MYO10: variants seen among roughly 807,000 people sequenced by gnomAD.
The protein encoded by MYO10 is myosin X, also known as unconventional myosin-X.
A neutral mutation model predicts 257.3 loss-of-function variants in MYO10; 133 were observed. That is an observed-to-expected ratio of 0.52 (90% CI 0.45 to 0.60). The LOEUF (loss-of-function observed/expected upper bound fraction) is 0.60. Among genes scored for constraint, MYO10 ranks in the 20% least tolerant of loss-of-function variants. The probability of loss-of-function intolerance (pLI) is 0.00; values close to 1 mark genes in which losing one functional copy is unlikely to be tolerated. For missense variants in MYO10, 2,399 were observed against 2,635.7 expected (o/e 0.91, Z 1.97); for synonymous variants, 1,104 against 1,028.6 (o/e 1.07, Z -1.40).
chr5:16,783,392 A>G lies in MYO10; in HGVS notation c.545T>C (p.Leu182Ser), dbSNP rs1314249022. The change falls in exon 5 of 41, where the codon TTG (leucine) becomes TCG (serine). Residue 182 changes from leucine (L) to serine (S), a missense_variant. Physicochemically the swap from Leu to Ser is moderately radical, Grantham distance 145. Coordinates refer to ENST00000513610, the MANE Select transcript of MYO10 (RefSeq NM_012334.3). ...KFLSVISQQSLELSLKEKTSC... is the reference protein window; with the variant it reads ...KFLSVISQQSSELSLKEKTSC... ...TGTCTTCTCCTTTAAGGACAATTCC[A>G]AAGACTGTTGACTGATGACTGACAG... 3.7e-6 allele frequency: 6 copies of G among 1,606,990 alleles called. No individual in the cohort carries two copies. The Admixed American group carries it at 6.8e-5, about 18-fold the overall frequency.
intron 1 of MYO10, among the ~76,000 whole-genome samples, chr5:16,901,369 T>TC (rs1476944844): frequency 6.6e-6 from 1 of 151,966 alleles, no homozygotes; most frequent in Admixed American, 6.6e-5. Context: ...GGTTCTACTC[T>TC]CCATCCCAGC....
chr5:16,672,753 C>T lies in MYO10; in HGVS notation c.5245G>A (p.Gly1749Ser), dbSNP rs753227123. 2.1e-5 allele frequency: 34 copies of T among 1,613,836 alleles called. No homozygotes were observed. Among genetic ancestry groups the T allele is most frequent in the Middle Eastern group, 1.6e-4 (1 of 6,084 alleles). ...RNMFALFEYN[G>S]HVDKAIESRT... ...CTTTCAATGGCTTTGTCGACGTGGC[C>T]GTTGTATTCAAACAAAGCAAACATG... The change falls in exon 37 of 41, where the codon GGC (glycine) becomes AGC (serine). Residue 1749 changes from glycine to serine, a missense_variant. Transcript: ENST00000513610.
Position 16,829,551 on chromosome 5 carries a change from T to C in MYO10, c.121-11384A>G, listed in dbSNP as rs550604160. ...GCACCCCCAAAAGTATCAGGGATGGTGCACACAACATCATAAAGCTGCTGG... is the reference window on the plus strand; with the variant it reads ...GCACCCCCAAAAGTATCAGGGATGGCGCACACAACATCATAAAGCTGCTGG... On this transcript the variant is annotated intron_variant, in intron 2 of 40. Transcript: ENST00000513610. 7.2e-5 allele frequency among the ~76,000 whole-genome samples: 11 copies of C among 152,294 alleles called. No individual in the cohort carries two copies. In the South Asian group the frequency reaches 2.3e-3, roughly 32 times the overall value.
intron 36 of MYO10, among the ~76,000 whole-genome samples, chr5:16,673,185 G>A (rs1736551402): frequency 6.9e-6 from 1 of 144,790 alleles, no homozygotes; most frequent in Admixed American, 6.9e-5. Context: ...AGAGACTCCA[G>A]ATGACGTTTT....
intron 2 of MYO10, among the ~76,000 whole-genome samples, chr5:16,822,838 C>A (rs1390952703): frequency 6.6e-6 from 1 of 151,992 alleles, no homozygotes; most frequent in Non-Finnish European, 1.5e-5. Flanking sequence ...CAGGCGCCCG[C>A]AACCACGCCC....
chr5:16,689,958 A>C, intron 27 of MYO10, 39 bp from the exon 28 acceptor site: 1 of 1,437,204 alleles, frequency 7.0e-7, no homozygotes, highest in Non-Finnish European at 9.8e-7. Flanking sequence ...CATCAGGAAC[A>C]CCAAATTCTG....
intron 3 of MYO10, among the ~76,000 whole-genome samples, chr5:16,816,767 A>T (rs1019822716): frequency 6.6e-6 from 1 of 151,472 alleles, no homozygotes; most frequent in Admixed American, 6.6e-5. Flanking sequence ...TGATCTCGTG[A>T]TCCGCCCGTC....
intron 1 of MYO10, chr5:16,916,189 G>C: frequency 2.2e-6 from 1 of 455,274 alleles, no homozygotes; most frequent in South Asian, 1.5e-5. Context: ...CGCCACGTCA[G>C]GGTCAGCTAA....
At chr5:16,754,062 T>C (rs995044651) in intron 19 of MYO10, among the ~76,000 whole-genome samples, 5 of 152,192 alleles carry the variant, frequency 3.3e-5, no homozygotes, top group African/African-American at 1.2e-4. Flanking sequence ...TTAAATTACA[T>C]AAAAATTACA....
intron 17 of MYO10, 57 bp from the exon 18 acceptor site, chr5:16,758,283 A>T (rs186155951): frequency 5.9e-6 from 7 of 1,190,736 alleles, no homozygotes. Context: ...ATTAGGTGCA[A>T]GATTATTGTA....
chr5:16,927,072 G>T (rs1432405015), intron 1 of MYO10, among the ~76,000 whole-genome samples: 1 of 152,134 alleles, frequency 6.6e-6, no homozygotes, highest in Non-Finnish European at 1.5e-5. Flanking sequence ...TGTAAGCATG[G>T]TTTATAACTT....
At chr5:16,907,092 C>A (rs533082541) in intron 1 of MYO10, among the ~76,000 whole-genome samples, 3 of 151,704 alleles carry the variant, frequency 2.0e-5, no homozygotes, top group Non-Finnish European at 4.4e-5. Flanking sequence ...CCAGCCTGGG[C>A]GACAGAATGA....
chr5:16,705,334 G>C (rs1738280959), intron 21 of MYO10, among the ~76,000 whole-genome samples: 1 of 152,192 alleles, frequency 6.6e-6, no homozygotes, highest in Non-Finnish European at 1.5e-5. Context: ...GTGGAATCAG[G>C]ACTAAATAAA....
At chr5:16,806,313 C>T (rs1018584504) in intron 3 of MYO10, among the ~76,000 whole-genome samples, 4 of 151,046 alleles carry the variant, frequency 2.6e-5, no homozygotes, top group African/African-American at 4.9e-5. Context: ...ACCGAGATCA[C>T]GCCACTGCAC....
Position 16,699,567 on chromosome 5 carries a change from C to T in MYO10, c.3439G>A (p.Asp1147Asn). 6.2e-7 allele frequency: 1 copy of T among 1,613,616 alleles called. No homozygotes were observed. The highest frequency in any genetic ancestry group is 8.5e-7 in the Non-Finnish European group (1 of 1,179,852). Residue 1147 changes from aspartate to asparagine, a missense_variant, in exon 26 of 41, where the codon GAT becomes AAT. By Grantham distance (23) the Asp-to-Asn change is conservative. This residue lies in a region of MYO10 where 1,820 missense variants were observed against 1,939.4 expected (regional missense o/e 0.94). Transcript: ENST00000513610. Reference sequence around the variant, plus strand: ...CTGGAATCAAAGTCCTCTTCACTATCTTCAAACTGGACCGAGAGAGAGAAG... The same window carrying T: ...CTGGAATCAAAGTCCTCTTCACTATTTTCAAACTGGACCGAGAGAGAGAAG... ...SSEGAQSSFEDSEEDFDSRFD... is the reference protein window; with the variant it reads ...SSEGAQSSFENSEEDFDSRFD...
At position 16,666,500 on chromosome 5, in the gene MYO10, T is replaced by C. The variant is rs765839581; in HGVS notation, c.*192A>G. The C allele has an allele frequency of 5.4e-6, 3 of 552,088 alleles. No individual in the cohort carries two copies. The highest frequency in any genetic ancestry group is 1.9e-5 in the African/African-American group (1 of 51,996). 34.2% of individuals were successfully genotyped at this position (552,088 alleles called of 1,614,324 possible). On this transcript the variant is annotated 3_prime_UTR_variant, in exon 41 of 41. Transcript: ENST00000513610. ...TTGGAAACTGTGCAGACTGTTAAAGTTGACAGCTTAATACAGGATCAATGA... is the reference window on the plus strand; with the variant it reads ...TTGGAAACTGTGCAGACTGTTAAAGCTGACAGCTTAATACAGGATCAATGA...
chr5:16,921,435 A>G (rs1200602302), intron 1 of MYO10, among the ~76,000 whole-genome samples: 1 of 152,116 alleles, frequency 6.6e-6, no homozygotes, highest in Non-Finnish European at 1.5e-5. Context: ...TATTCTAACT[A>G]GGCTGAACAA....
At chr5:16,869,068 A>G (rs1744371064) in intron 2 of MYO10, among the ~76,000 whole-genome samples, 1 of 152,108 alleles carries the variant, frequency 6.6e-6, no homozygotes, top group South Asian at 2.1e-4. Context: ...TCTGTCGCCC[A>G]GCGTGGAGTG....
chr5:16,689,856 G>A lies in MYO10; in HGVS notation c.3864C>T (p.Phe1288=). ...GIDIIMADRT[F]HLIAESPEDA... ...CTTCTGGGGACTCTGCAATCAGGTG[G>A]AAAGTCCTATCGGCCATAATGATGT... Residue 1288 remains phenylalanine (F), a synonymous_variant, in exon 28 of 41, where the codon TTC becomes TTT. Coordinates refer to ENST00000513610, the MANE Select transcript of MYO10 (RefSeq NM_012334.3). 6.2e-7 allele frequency: 1 copy of A among 1,613,756 alleles called. No homozygotes were observed. Among genetic ancestry groups the A allele is most frequent in the Non-Finnish European group, 8.5e-7 (1 of 1,179,802 alleles).
Sources: gnomAD v4.1 joint callset for allele counts (sites outside exome capture counted in the v4.1 genomes callset) on GRCh38, gnomAD v4.1.1 for gene constraint, gnomAD v4.1.1 regional missense constraint, MANE v1.5 for transcripts, NCBI Gene and HGNC (gene_info 2026-07-23, HGNC 2026-07-21) for gene names.